KCNN3: variants seen among roughly 807,000 people sequenced by gnomAD.
KCNN3 encodes small conductance calcium-activated potassium channel protein 3.
A neutral mutation model predicts 62.9 loss-of-function variants in KCNN3; 16 were observed. That is an observed-to-expected ratio of 0.25 (90% CI 0.17 to 0.39). The LOEUF is 0.39. Among genes scored for constraint, KCNN3 ranks in the 10% least tolerant of loss-of-function variants. The pLI is 1.00. For synonymous variants in KCNN3, 370 were observed against 389.2 expected (o/e 0.95, Z 0.58); for missense variants, 599 against 949.4 (o/e 0.63, Z 4.85).
At position 154,697,523 on chromosome 1, in the gene KCNN3, T is replaced by A. The variant is rs1699764422; in HGVS notation, c.*10453A>T. The A allele has an allele frequency of 6.6e-6, 1 of 152,232 alleles. No homozygotes were observed. The highest frequency in any genetic ancestry group is 6.5e-5 in the Admixed American group (1 of 15,286). 9.4% of individuals were successfully genotyped at this position (152,232 alleles called of 1,614,324 possible). A position where few individuals can be genotyped will look rare whatever the true frequency, so the allele number is the denominator to read the frequency against. ...TTAATGCCATAATATTATATTAGCA[T>A]ATGCCGTAACATTTAAAAATGCCCA... is the stretch of plus-strand genomic sequence containing the variant. On this transcript the variant is annotated 3_prime_UTR_variant, in exon 8 of 8. Transcript: ENST00000271915.
intron 2 of KCNN3, among the ~76,000 whole-genome samples, chr1:154,775,829 GC>G (rs1648765700): frequency 2.0e-5 from 3 of 152,180 alleles, no homozygotes; most frequent in Non-Finnish European, 4.4e-5. Context: ...TCTAACTGCC[GC>G]CCGACAGGCC....
chr1:154,849,468 T>A (rs1652220738), intron 1 of KCNN3, among the ~76,000 whole-genome samples: 1 of 152,182 alleles, frequency 6.6e-6, no homozygotes. Context: ...ATGCTTCCCA[T>A]CCGGGTTCCC....
chr1:154,803,180 C>T (rs997853820), intron 2 of KCNN3, among the ~76,000 whole-genome samples: 1 of 152,184 alleles, frequency 6.6e-6, no homozygotes, highest in Admixed American at 6.5e-5. Flanking sequence ...TGAGGGCCCT[C>T]CTTCCCTGCC....
At chr1:154,779,132 G>A (rs1325097144) in intron 2 of KCNN3, among the ~76,000 whole-genome samples, 1 of 152,074 alleles carries the variant, frequency 6.6e-6, no homozygotes, top group African/African-American at 2.4e-5. Flanking sequence ...CTCACCCAAG[G>A]TGAGACCAGC....
intron 1 of KCNN3, among the ~76,000 whole-genome samples, chr1:154,826,211 T>G (rs970905117): frequency 6.6e-6 from 1 of 152,252 alleles, no homozygotes; most frequent in African/African-American, 2.4e-5. Context: ...TTATTTCATT[T>G]TTAAGCTTTT....
intron 5 of KCNN3, among the ~76,000 whole-genome samples, chr1:154,722,816 C>G (rs1700384570): frequency 6.6e-6 from 1 of 150,760 alleles, no homozygotes; most frequent in Non-Finnish European, 1.5e-5. Context: ...ACTGTAAACT[C>G]TGCCTCCCAG....
chr1:154,750,115 A>G (rs182559161), intron 3 of KCNN3, among the ~76,000 whole-genome samples: 53 of 152,380 alleles, frequency 3.5e-4, no homozygotes, highest in African/African-American at 1.3e-3. Flanking sequence ...GGTACACGTC[A>G]GGAATAAAGC....
At chr1:154,785,114 G>A (rs1042132150) in intron 2 of KCNN3, among the ~76,000 whole-genome samples, 1 of 152,162 alleles carries the variant, frequency 6.6e-6, no homozygotes, top group Admixed American at 6.5e-5. Flanking sequence ...AAGAGGTATC[G>A]TTTTCTCAAC....
At chr1:154,844,697 C>A (rs1031846495) in intron 1 of KCNN3, among the ~76,000 whole-genome samples, 1 of 152,188 alleles carries the variant, frequency 6.6e-6, no homozygotes, top group African/African-American at 2.4e-5. Context: ...CATTTTTACC[C>A]TCATTTTAGA....
In KCNN3 at chr1:154,702,700, GATATAT is replaced by G. The variant is rs67091748; in HGVS notation, c.*5270_*5275del. 0.09 allele frequency: 3,838 copies of G among 42,686 alleles called. 167 individuals carry two copies. Among genetic ancestry groups the G allele is most frequent in the East Asian group, 0.15 (90 of 598 alleles). The allele number at this position is 42,686 out of a possible 1,614,324, so 2.6% of individuals were successfully genotyped here. ...ACGTTGGCTGCTTCGATCTGATTCA[GATATAT>G]ATATATATATATATATATATATATA... On this transcript the variant is annotated 3_prime_UTR_variant, in exon 8 of 8. Transcript: ENST00000271915.
At chr1:154,728,510 C>G (rs1378615502) in intron 4 of KCNN3, among the ~76,000 whole-genome samples, 3 of 152,076 alleles carry the variant, frequency 2.0e-5, no homozygotes, top group African/African-American at 4.8e-5. Context: ...ACATCAGCAG[C>G]CTTCATAAAG....
chr1:154,808,514 G>A (rs979166413), intron 2 of KCNN3, among the ~76,000 whole-genome samples: 1 of 152,188 alleles, frequency 6.6e-6, no homozygotes, highest in Admixed American at 6.5e-5. Flanking sequence ...CAGCAGCCAA[G>A]GCGTGTGTGT....
At chr1:154,718,258 A>G (rs927971527) in intron 5 of KCNN3, among the ~76,000 whole-genome samples, 1 of 152,146 alleles carries the variant, frequency 6.6e-6, no homozygotes, top group African/African-American at 2.4e-5. Context: ...TGTTTTCTGC[A>G]AGCCCAAAAA....
chr1:154,722,574 A>G (rs1700378090), intron 5 of KCNN3, among the ~76,000 whole-genome samples: 1 of 149,874 alleles, frequency 6.7e-6, no homozygotes, highest in Admixed American at 6.7e-5. Context: ...ATTTTTTTTT[A>G]GTAGAGACAG....
chr1:154,792,096 T>C (rs1557978532), intron 2 of KCNN3, among the ~76,000 whole-genome samples: 1 of 152,154 alleles, frequency 6.6e-6, no homozygotes, highest in Non-Finnish European at 1.5e-5. Context: ...GGTGGGAGCA[T>C]AAATCCTGTT....
intron 3 of KCNN3, 142 bp downstream of exon 3, chr1:154,771,833 C>T: frequency 1.2e-6 from 1 of 844,356 alleles, no homozygotes; most frequent in Non-Finnish European, 2.0e-6. Flanking sequence ...TCAGCACTCC[C>T]CTCTTTCCCA....
intron 2 of KCNN3, among the ~76,000 whole-genome samples, chr1:154,818,128 G>A (rs988239108): frequency 2.0e-5 from 3 of 152,116 alleles, no homozygotes; most frequent in Admixed American, 6.5e-5. Flanking sequence ...TTTCTCTCCC[G>A]GACACACTGG....
At chr1:154,730,524 G>A (rs1272432042) in intron 4 of KCNN3, among the ~76,000 whole-genome samples, 4 of 152,176 alleles carry the variant, frequency 2.6e-5, no homozygotes, top group Non-Finnish European at 2.9e-5. Context: ...CCTCAGCAAA[G>A]TGAAACCCTG....
chr1:154,797,807 G>A (rs902268856), intron 2 of KCNN3, among the ~76,000 whole-genome samples: 8 of 152,330 alleles, frequency 5.3e-5, no homozygotes, highest in South Asian at 2.1e-4. Flanking sequence ...GACCAGAGGC[G>A]TGGACACAGG....
Sources: allele counts gnomAD v4.1 joint callset (sites outside exome capture counted in the v4.1 genomes callset), GRCh38; gene constraint gnomAD v4.1.1; transcripts MANE v1.5; gene names NCBI Gene and HGNC (gene_info 2026-07-23, HGNC 2026-07-21).